Variants in CREB5 observed in about 807,000 individuals in gnomAD.
CREB5 encodes cAMP responsive element binding protein 5, also known as cyclic AMP-responsive element-binding protein 5.
In CREB5, 19 loss-of-function variants were observed where a neutral mutation model predicts 57.1. The observed-to-expected ratio is 0.33, with a 90% CI of 0.23 to 0.49. The LOEUF is 0.49. Among genes scored for constraint, CREB5 ranks in the 20% least tolerant of loss-of-function variants. CREB5 has a pLI of 0.99. For synonymous variants in CREB5, 238 were observed against 238.3 expected (o/e 1.00, Z 0.01); for missense variants, 579 against 671.6 (o/e 0.86, Z 1.52).
intron 5 of CREB5, among the ~76,000 whole-genome samples, chr7:28,708,474 C>G (rs577958037): frequency 6.6e-6 from 1 of 152,008 alleles, no homozygotes; most frequent in Non-Finnish European, 1.5e-5. Flanking sequence ...TGAAAACTGC[C>G]GAAGAGACCC....
intron 5 of CREB5, among the ~76,000 whole-genome samples, chr7:28,599,150 G>A (rs1186066684): frequency 6.6e-6 from 1 of 152,110 alleles, no homozygotes; most frequent in African/African-American, 2.4e-5. Flanking sequence ...TGTGATTGAA[G>A]TTCCAGCTTT....
chr7:28,574,042 G>A (rs1026215164), intron 5 of CREB5, among the ~76,000 whole-genome samples: 2 of 152,216 alleles, frequency 1.3e-5, no homozygotes, highest in Non-Finnish European at 2.9e-5. Flanking sequence ...ACACAGCTAT[G>A]GAGAGTGTGG....
intron 4 of CREB5, among the ~76,000 whole-genome samples, chr7:28,511,868 A>T (rs1284606524): frequency 6.6e-6 from 1 of 152,216 alleles, no homozygotes; most frequent in East Asian, 1.9e-4. Context: ...AAAGCAAACT[A>T]TCGAAGAGCA....
chr7:28,579,951 C>A (rs949743554), intron 5 of CREB5, among the ~76,000 whole-genome samples: 3 of 152,070 alleles, frequency 2.0e-5, no homozygotes, highest in African/African-American at 7.2e-5. Flanking sequence ...AAGAGTCTTG[C>A]TCAAATTGCA....
intron 4 of CREB5, among the ~76,000 whole-genome samples, chr7:28,569,240 C>T (rs1004771585): frequency 6.6e-6 from 1 of 151,658 alleles, no homozygotes; most frequent in African/African-American, 2.4e-5. Context: ...TCCTGGCTTA[C>T]TGCAGCCTCA....
rs546782643 is a variant in CREB5 at position 28,664,990 on chromosome 7, A to G, written c.465-53763A>G. Among the ~76,000 whole-genome samples, 3 of 152,304 alleles carry G rather than the reference A, an allele frequency of 2.0e-5. No homozygotes were observed. In the South Asian group the frequency reaches 6.2e-4, roughly 32 times the overall value. ...TATTATCCGGCTCTTTCTGGTCATC[A>G]TAATTCAAAACCACAGGACAGTGTG... On this transcript the variant is annotated intron_variant, in intron 5 of 10. Coordinates refer to ENST00000357727, the MANE Select transcript of CREB5 (RefSeq NM_182898.4).
At chr7:28,571,736 A>G (rs1795712912) in intron 5 of CREB5, among the ~76,000 whole-genome samples, 1 of 152,200 alleles carries the variant, frequency 6.6e-6, no homozygotes, top group Admixed American at 6.5e-5. Context: ...CAGAATGAGG[A>G]TGGTGTCTGC....
chr7:28,301,940 G>A (rs1785104030), intron 1 of CREB5, among the ~76,000 whole-genome samples: 3 of 152,200 alleles, frequency 2.0e-5, no homozygotes, highest in African/African-American at 2.4e-5. Flanking sequence ...TAGGAAAAGT[G>A]ACTGAGTGAA....
At chr7:28,645,881 G>A (rs1798870085) in intron 5 of CREB5, among the ~76,000 whole-genome samples, 1 of 152,134 alleles carries the variant, frequency 6.6e-6, no homozygotes, top group Non-Finnish European at 1.5e-5. Context: ...AATCCAGGTG[G>A]GCCATCATCC....
At chr7:28,433,562 C>T (rs938114279) in intron 1 of CREB5, among the ~76,000 whole-genome samples, 8 of 152,090 alleles carry the variant, frequency 5.3e-5, no homozygotes, top group Non-Finnish European at 1.5e-5. Context: ...GATTTAAACT[C>T]CTGGGCTCAA....
At chr7:28,408,159 A>G (rs1787629216), upstream of CREB5, among the ~76,000 whole-genome samples, 1 of 152,164 alleles carries the variant, frequency 6.6e-6, no homozygotes, top group African/African-American at 2.4e-5. Context: ...TCATCAAGTG[A>G]TCTCAGGCCA....
At chr7:28,574,769 C>A (rs1318817609) in intron 5 of CREB5, among the ~76,000 whole-genome samples, 1 of 152,062 alleles carries the variant, frequency 6.6e-6, no homozygotes, top group Non-Finnish European at 1.5e-5. Flanking sequence ...AATGAATTGG[C>A]CAGCTGCATC....
intron 5 of CREB5, among the ~76,000 whole-genome samples, chr7:28,605,067 C>T (rs1356503274): frequency 6.6e-6 from 1 of 151,822 alleles, no homozygotes; most frequent in East Asian, 1.9e-4. Flanking sequence ...TAACATTGCA[C>T]AGGAAGGTAT....
At chr7:28,582,455 C>A (rs1251083994) in intron 5 of CREB5, among the ~76,000 whole-genome samples, 1 of 152,104 alleles carries the variant, frequency 6.6e-6, no homozygotes, top group Admixed American at 6.5e-5. Context: ...ACGTCAAAGA[C>A]CCTGTTGCAT....
intron 5 of CREB5, among the ~76,000 whole-genome samples, chr7:28,626,050 TGG>T (rs1797987064): frequency 6.6e-6 from 1 of 152,208 alleles, no homozygotes; most frequent in South Asian, 2.1e-4. Context: ...CTTTCTTCAT[TGG>T]AGTACATTCA....
chr7:28,319,221 A>G (rs1785441829), intron 1 of CREB5, among the ~76,000 whole-genome samples: 1 of 152,284 alleles, frequency 6.6e-6, no homozygotes, highest in African/African-American at 2.4e-5. Flanking sequence ...CATGGCCTGT[A>G]TAGAAGATCG....
intron 5 of CREB5, among the ~76,000 whole-genome samples, chr7:28,612,969 G>T (rs1797452760): frequency 6.6e-6 from 1 of 152,128 alleles, no homozygotes. Context: ...TCCCTCAAAT[G>T]TAGTCGTTAT....
Position 28,825,077 on chromosome 7 carries a change from A to G in CREB5, c.*5798A>G, listed in dbSNP as rs1380928840. ...TCAGGACTGAGAATGTGGAAGCTGA[A>G]TAAATTAGCTTTAAATACATCATTA... On this transcript the variant is annotated 3_prime_UTR_variant, in exon 11 of 11. Transcript: ENST00000357727. 6.5e-6 allele frequency: 1 copy of G among 152,684 alleles called. No homozygotes were observed. The highest frequency in any genetic ancestry group is 1.9e-4 in the East Asian group (1 of 5,204). 9.5% of individuals were successfully genotyped at this position (152,684 alleles called of 1,614,324 possible).
At chr7:28,817,118 C>G (rs922351234) in intron 9 of CREB5, among the ~76,000 whole-genome samples, 5 of 152,144 alleles carry the variant, frequency 3.3e-5, no homozygotes, top group South Asian at 4.1e-4. Context: ...AAACCCCACA[C>G]CATCCACAAT....
Sources: allele counts gnomAD v4.1 joint callset (sites outside exome capture counted in the v4.1 genomes callset), GRCh38; gene constraint gnomAD v4.1.1; transcripts MANE v1.5; gene names NCBI Gene and HGNC (gene_info 2026-07-23, HGNC 2026-07-21).